RASA2: variants seen among roughly 807,000 people sequenced by gnomAD.
The protein encoded by RASA2 is ras GTPase-activating protein 2.
A neutral mutation model predicts 118.2 loss-of-function variants in RASA2; 155 were observed. That is an observed-to-expected ratio of 1.31 (90% CI 1.15 to 1.50). The LOEUF is 1.50. RASA2 is among the 40% of genes most tolerant of loss of function. RASA2 has a pLI of 0.00. For missense variants in RASA2, 1,016 were observed against 1,009.6 expected (o/e 1.01, Z -0.09); for synonymous variants, 353 against 349.1 (o/e 1.01, Z -0.12).
chr3:141,574,603 A>G (rs913622127), intron 14 of RASA2, among the ~76,000 whole-genome samples: 10 of 152,368 alleles, frequency 6.6e-5, no homozygotes, highest in African/African-American at 1.2e-4. Flanking sequence ...TTTCAGTATA[A>G]TGCAACTTTA....
intron 9 of RASA2, among the ~76,000 whole-genome samples, chr3:141,566,373 A>G (rs2082820596): frequency 6.6e-6 from 1 of 152,218 alleles, no homozygotes. Flanking sequence ...ATATAGAGGA[A>G]ATACAGAGAG....
chr3:141,499,368 C>G (rs1371280690), intron 1 of RASA2, among the ~76,000 whole-genome samples: 1 of 152,148 alleles, frequency 6.6e-6, no homozygotes, highest in Non-Finnish European at 1.5e-5. Flanking sequence ...TACCACTATA[C>G]AGGATTGCCT....
In RASA2 at chr3:141,579,334, T is replaced by C. The variant is rs993817621; in HGVS notation, c.1591-1034T>C. On this transcript the variant is annotated intron_variant, in intron 15 of 23. Transcript: ENST00000286364. Reference sequence around the variant, plus strand: ...CATTTAATACCTATTCATTTTGTCATATGTAAATTATATCTCAATTTTTAA... The same window carrying C: ...CATTTAATACCTATTCATTTTGTCACATGTAAATTATATCTCAATTTTTAA... 2.0e-5 allele frequency: 3 copies of C among 152,212 alleles called. No individual in the cohort carries two copies. The East Asian group carries it at 5.8e-4, about 29-fold the overall frequency. The allele number at this position is 152,212 out of a possible 1,614,324, so 9.4% of individuals were successfully genotyped here.
At chr3:141,494,671 T>TTTTTAAA (rs1336506274) in intron 1 of RASA2, among the ~76,000 whole-genome samples, 1 of 152,170 alleles carries the variant, frequency 6.6e-6, no homozygotes, top group Non-Finnish European at 1.5e-5. Flanking sequence ...CTGGCCCTAA[T>TTTTTAAA]TTTTAAATTT....
chr3:141,580,560 A>G (rs1394319427), intron 16 of RASA2, 109 bp downstream of exon 16: 2 of 628,764 alleles, frequency 3.2e-6, no homozygotes, highest in Admixed American at 6.3e-5. Flanking sequence ...AAACATACAC[A>G]CACACACACA....
chr3:141,571,400 A>G lies in RASA2; in HGVS notation c.1021-6A>G. ...TTGTGCTTGTTTTCTACCTTTCTGT[A>G]TTTAGCCAATATCTGCCTCAGCTGC... On this transcript the variant is annotated splice_polypyrimidine_tract_variant and splice_region_variant and intron_variant, in intron 10 of 23. Coordinates refer to ENST00000286364, the MANE Select transcript of RASA2 (RefSeq NM_006506.5). The G allele has an allele frequency of 6.2e-7, 1 of 1,610,572 alleles. No homozygotes were observed. The highest frequency in any genetic ancestry group is 8.5e-7 in the Non-Finnish European group (1 of 1,178,790).
intron 1 of RASA2, among the ~76,000 whole-genome samples, chr3:141,493,220 T>C (rs753714529): frequency 3.3e-5 from 5 of 152,192 alleles, no homozygotes; most frequent in Non-Finnish European, 5.9e-5. Flanking sequence ...ATACTACTTA[T>C]CTGTTTATAT....
At chr3:141,549,484 C>CATGT (rs1553790659) in intron 5 of RASA2, among the ~76,000 whole-genome samples, 4 of 145,212 alleles carry the variant, frequency 2.8e-5, no homozygotes, top group African/African-American at 1.0e-4. Flanking sequence ...TGTGTGTGTG[C>CATGT]GTGTGTGTGT....
At chr3:141,576,234 A>C (rs1265774256) in intron 14 of RASA2, among the ~76,000 whole-genome samples, 1 of 152,132 alleles carries the variant, frequency 6.6e-6, no homozygotes, top group African/African-American at 2.4e-5. Flanking sequence ...TGTTCTTACT[A>C]CCCTAGAAGA....
At chr3:141,520,822 C>G (rs778172681) in intron 3 of RASA2, among the ~76,000 whole-genome samples, 1 of 151,864 alleles carries the variant, frequency 6.6e-6, no homozygotes, top group Non-Finnish European at 1.5e-5. Context: ...GAATAGGGAG[C>G]GGTTAGAGGC....
chr3:141,587,322 T>C (rs912229679), intron 19 of RASA2, among the ~76,000 whole-genome samples: 7 of 152,196 alleles, frequency 4.6e-5, no homozygotes, highest in African/African-American at 1.7e-4. Flanking sequence ...CTTCCTACAG[T>C]GTGATTTGAG....
rs535525283 is a variant in RASA2 at position 141,574,183 on chromosome 3, T to C, written c.1483+116T>C. ...AGGTTTTTATTTATTTATTTATTTT[T>C]ATTTTATTTTATTTTATTTTTTTTG... On this transcript the variant is annotated intron_variant, in intron 14 of 23. Transcript: ENST00000286364. 11 of 593,802 alleles carry C rather than the reference T, an allele frequency of 1.9e-5. No individual in the cohort carries two copies. The South Asian group carries it at 9.0e-4, about 49-fold the overall frequency. 36.8% of individuals were successfully genotyped at this position (593,802 alleles called of 1,614,324 possible).
intron 17 of RASA2, among the ~76,000 whole-genome samples, chr3:141,585,746 G>A (rs769384402): frequency 3.9e-5 from 6 of 152,208 alleles, no homozygotes; most frequent in Non-Finnish European, 8.8e-5. Flanking sequence ...GTTGCAGTGA[G>A]CTGAGATTGC....
At chr3:141,610,212 C>G in intron 23 of RASA2, 146 bp downstream of exon 23, 1 of 548,904 alleles carries the variant, frequency 1.8e-6, no homozygotes, top group East Asian at 3.5e-5. Flanking sequence ...CCTGGCCACT[C>G]CAAGTGCTCT....
At chr3:141,533,021 T>C (rs1233994878) in intron 4 of RASA2, among the ~76,000 whole-genome samples, 1 of 152,126 alleles carries the variant, frequency 6.6e-6, no homozygotes, top group Non-Finnish European at 1.5e-5. Flanking sequence ...TGAGATGCCA[T>C]TGTATTCTTT....
chr3:141,560,906 C>T (rs1230335073), intron 9 of RASA2, among the ~76,000 whole-genome samples: 1 of 152,066 alleles, frequency 6.6e-6, no homozygotes, highest in East Asian at 1.9e-4. Context: ...TCTGATTGGC[C>T]ATCAGACATC....
intron 19 of RASA2, among the ~76,000 whole-genome samples, chr3:141,599,074 C>G (rs912942019): frequency 6.6e-6 from 1 of 151,846 alleles, no homozygotes; most frequent in Non-Finnish European, 1.5e-5. Flanking sequence ...GGCGACAGAG[C>G]GAGACTCTGT....
intron 3 of RASA2, among the ~76,000 whole-genome samples, chr3:141,522,510 G>A (rs555388458): frequency 6.6e-6 from 1 of 152,180 alleles, no homozygotes; most frequent in African/African-American, 2.4e-5. Context: ...CATCAGCACA[G>A]GGAGGACCTG....
intron 2 of RASA2, among the ~76,000 whole-genome samples, chr3:141,515,737 T>G (rs2082013036): frequency 6.6e-6 from 1 of 151,132 alleles, no homozygotes; most frequent in East Asian, 2.0e-4. Flanking sequence ...CCATCTCTAC[T>G]AAAAATACAA....
Sources: allele counts gnomAD v4.1 joint callset (sites outside exome capture counted in the v4.1 genomes callset), GRCh38; gene constraint gnomAD v4.1.1; transcripts MANE v1.5; gene names NCBI Gene and HGNC (gene_info 2026-07-23, HGNC 2026-07-21).